ADARB2: variants seen among roughly 807,000 people sequenced by gnomAD.
ADARB2 encodes the protein inactive double-stranded RNA-specific editase B2.
In ADARB2, 25 loss-of-function variants were observed where a neutral mutation model predicts 62.2. The ratio of observed to expected loss-of-function variants is 0.40; its 90% confidence interval spans 0.29 to 0.56. The LOEUF is 0.56. Ranked by LOEUF, ADARB2 falls within the 20% of genes least tolerant of loss-of-function variation. The probability of loss-of-function intolerance (pLI) is 0.43; values close to 1 mark genes in which losing one functional copy is unlikely to be tolerated. For synonymous variants in ADARB2, 572 were observed against 500.8 expected, an observed-to-expected ratio of 1.14 and a Z score of -1.90; for missense variants, 1,071 against 1,077.4, an observed-to-expected ratio of 0.99 and a Z score of 0.08.
chr10:1,553,717 T>C (rs1011347934), intron 1 of ADARB2, among the ~76,000 whole-genome samples: 20 of 152,184 alleles, frequency 1.3e-4, no homozygotes, highest in African/African-American at 4.8e-4. Context: ...TTGAGAGCAC[T>C]GCCAGAGTAG....
At chr10:1,530,657 G>A (rs190736735) in intron 1 of ADARB2, among the ~76,000 whole-genome samples, 4 of 152,230 alleles carry the variant, frequency 2.6e-5, no homozygotes, top group Admixed American at 1.3e-4. Flanking sequence ...GACAAGATCC[G>A]TTTAGAAACA....
At chr10:1,298,887 GCATCAC>G (rs1831548431) in intron 3 of ADARB2, among the ~76,000 whole-genome samples, 1 of 151,326 alleles carries the variant, frequency 6.6e-6, no homozygotes, top group Admixed American at 6.6e-5. Flanking sequence ...CCACTGACGT[GCATCAC>G]CATGCCCGGT....
chr10:1,688,066 A>C (rs2119123378), intron 1 of ADARB2, among the ~76,000 whole-genome samples: 1 of 152,332 alleles, frequency 6.6e-6, no homozygotes, highest in African/African-American at 2.4e-5. Context: ...TTTTAAGTAA[A>C]ACAATATAAC....
At chr10:1,556,276 T>TA (rs71379145) in intron 1 of ADARB2, among the ~76,000 whole-genome samples, 9 of 128,132 alleles carry the variant, frequency 7.0e-5, no homozygotes, top group African/African-American at 2.3e-4. Flanking sequence ...TTTTTTTTTT[T>TA]AAATTTCTTT....
chr10:1,634,260 A>G (rs185566957), intron 1 of ADARB2, among the ~76,000 whole-genome samples: 10 of 152,312 alleles, frequency 6.6e-5, no homozygotes, highest in Non-Finnish European at 1.5e-4. Context: ...AACACTGGAC[A>G]TGGGCATTTG....
intron 1 of ADARB2, among the ~76,000 whole-genome samples, chr10:1,568,798 A>C (rs1037256394): frequency 9.1e-6 from 1 of 110,226 alleles, no homozygotes; most frequent in African/African-American, 3.5e-5. Flanking sequence ...ATATGTCTCT[A>C]TCTCTATCTA....
intron 1 of ADARB2, among the ~76,000 whole-genome samples, chr10:1,471,715 T>C (rs1242610659): frequency 6.6e-6 from 1 of 152,240 alleles, no homozygotes; most frequent in Non-Finnish European, 1.5e-5. Flanking sequence ...TGTTAAACTT[T>C]ATGTTGCTTA....
chr10:1,540,637 T>C (rs140391390), intron 1 of ADARB2, among the ~76,000 whole-genome samples: 5,145 of 44,636 alleles, frequency 0.12, 1,495 homozygotes, highest in East Asian at 0.32. Flanking sequence ...ATCACAGCCG[T>C]CCAGACCCCA....
chr10:1,225,645 G>A (rs1167861082), intron 6 of ADARB2, among the ~76,000 whole-genome samples: 1 of 151,414 alleles, frequency 6.6e-6, no homozygotes, highest in Non-Finnish European at 1.5e-5. Context: ...TGTCTGTAAA[G>A]TATTTTATTT....
chr10:1,644,398 CTA>C (rs1834011284), intron 1 of ADARB2, among the ~76,000 whole-genome samples: 2 of 152,248 alleles, frequency 1.3e-5, no homozygotes, highest in African/African-American at 4.8e-5. Flanking sequence ...GCAAAACAAA[CTA>C]TTTTTAGCTG....
In ADARB2 at chr10:1,452,070, T is replaced by C. The variant is rs1340559217; in HGVS notation, c.101-72910A>G. Among the ~76,000 whole-genome samples the C allele has an allele frequency of 2.0e-5, 3 of 152,150 alleles. No individual in the cohort carries two copies. In the East Asian group the frequency reaches 5.8e-4, roughly 29 times the overall value. On this transcript the variant is annotated intron_variant, in intron 1 of 9. Transcript: ENST00000381312. Reference sequence around the variant, plus strand: ...GGAGCTGAGGGGAGGCCTGCTGCCATGCACCCCTGCTGGTCAGAGCAGATG... The same window carrying C: ...GGAGCTGAGGGGAGGCCTGCTGCCACGCACCCCTGCTGGTCAGAGCAGATG...
At chr10:1,200,214 C>T (rs1360799245) in intron 7 of ADARB2, 67 bp from the exon 8 acceptor site, 8 of 1,543,584 alleles carry the variant, frequency 5.2e-6, no homozygotes, top group Non-Finnish European at 5.3e-6. Context: ...CCTCTCTGTC[C>T]GTCTGCGGCC....
At chr10:1,193,072 AAGGC>A (rs1325634935) in intron 8 of ADARB2, among the ~76,000 whole-genome samples, 1 of 152,196 alleles carries the variant, frequency 6.6e-6, no homozygotes, top group Admixed American at 6.5e-5. Flanking sequence ...TTGAGGGTGG[AAGGC>A]AGGCATCTGC....
Position 1,192,439 on chromosome 10 carries a change from T to C in ADARB2, c.1865-7400A>G, listed in dbSNP as rs565327129. Among the ~76,000 whole-genome samples the C allele has an allele frequency of 2.0e-5, 3 of 152,366 alleles. No homozygotes were observed. The South Asian group carries it at 6.2e-4, about 32-fold the overall frequency. On this transcript the variant is annotated intron_variant, in intron 8 of 9. Coordinates refer to ENST00000381312, the MANE Select transcript of ADARB2 (RefSeq NM_018702.4). Reference sequence around the variant, plus strand: ...AGCTGGTAAATTTAATGTGGACTTATGGATTTGGGGTAACTAACTTCTAAG... The same window carrying C: ...AGCTGGTAAATTTAATGTGGACTTACGGATTTGGGGTAACTAACTTCTAAG...
At chr10:1,296,987 A>C (rs1831528954) in intron 3 of ADARB2, among the ~76,000 whole-genome samples, 1 of 152,146 alleles carries the variant, frequency 6.6e-6, no homozygotes, top group Non-Finnish European at 1.5e-5. Context: ...TTATTTGTGT[A>C]ATCTTTCGTG....
intron 3 of ADARB2, among the ~76,000 whole-genome samples, chr10:1,280,611 G>T (rs541294290): frequency 6.6e-6 from 1 of 152,072 alleles, no homozygotes; most frequent in African/African-American, 2.4e-5. Flanking sequence ...GTGATGCTCC[G>T]TGAAATTCCT....
At chr10:1,209,699 G>A (rs530048674) in intron 7 of ADARB2, among the ~76,000 whole-genome samples, 45 of 151,526 alleles carry the variant, frequency 3.0e-4, no homozygotes, top group Non-Finnish European at 3.8e-4. Flanking sequence ...CATCACCCAT[G>A]CCCACACCTA....
chr10:1,397,063 G>T (rs79301839), intron 1 of ADARB2, among the ~76,000 whole-genome samples: 1 of 10,218 alleles, frequency 9.8e-5, no homozygotes, highest in South Asian at 9.1e-3. Context: ...GTCACCGTCC[G>T]TCTCTCCCCT....
At chr10:1,356,602 G>T (rs188804561) in intron 3 of ADARB2, among the ~76,000 whole-genome samples, 1 of 152,320 alleles carries the variant, frequency 6.6e-6, no homozygotes, top group African/African-American at 2.4e-5. Flanking sequence ...TTTCATGCTG[G>T]CCTTCCAGGG....
Sources: gnomAD v4.1 joint callset for allele counts (sites outside exome capture counted in the v4.1 genomes callset) on GRCh38, gnomAD v4.1.1 for gene constraint, MANE v1.5 for transcripts, NCBI Gene and HGNC (gene_info 2026-07-23, HGNC 2026-07-21) for gene names.